PER2: variants seen among roughly 807,000 people sequenced by gnomAD.
The protein encoded by PER2 is period circadian protein homolog 2.
Under a neutral mutation model 121.0 loss-of-function variants are expected in PER2, and 66 were observed. The observed-to-expected ratio is 0.55, with a 90% CI of 0.45 to 0.67. The LOEUF is 0.67. Among genes scored for constraint, PER2 ranks in the 30% least tolerant of loss-of-function variants. The pLI, the probability that PER2 is intolerant of heterozygous loss-of-function variation, is 0.00. For synonymous variants in PER2, 684 were observed against 659.9 expected, an observed-to-expected ratio of 1.04 and a Z score of -0.56; for missense variants, 1,521 against 1,635.0, an observed-to-expected ratio of 0.93 and a Z score of 1.20.
chr2:238,253,254 G>C lies in PER2; in HGVS notation c.2769C>G (p.Ala923=), dbSNP rs554453059. The C allele has an allele frequency of 6.2e-6, 10 of 1,607,070 alleles. No individual in the cohort carries two copies. The highest frequency in any genetic ancestry group is 4.5e-5 in the East Asian group (2 of 44,758). The stretch of plus-strand genomic sequence containing the variant: ...GAAACTGAGGCTGGCTGGGGAAGAA[G>C]GCCTGGGGCAGGTTTGGGGTCCCCG... ...FPSGTPNLPQ[A]FFPSQPQFPS... The change falls in exon 19 of 23, where the codon GCC becomes GCG. Residue 923 remains alanine (A), a synonymous_variant. Coordinates refer to ENST00000254657, the MANE Select transcript of PER2 (RefSeq NM_022817.3). This position sits in a 1 kb window ranked among gnomAD's most constrained non-coding sequence, Gnocchi z 5.6.
At chr2:238,294,255 C>G (rs1215582581), upstream of PER2, among the ~76,000 whole-genome samples, 1 of 152,222 alleles carries the variant, frequency 6.6e-6, no homozygotes, top group Non-Finnish European at 1.5e-5. Flanking sequence ...GTGCGTCCTG[C>G]AAGGCTGTTG....
In PER2 at chr2:238,268,432, C is replaced by T. The variant is rs11894535; in HGVS notation, c.825-234G>A. Among the ~76,000 whole-genome samples the T allele has an allele frequency of 0.34, 52,365 of 152,036 alleles. 11,664 individuals carry two copies. Among genetic ancestry groups the T allele is most frequent in the African/African-American group, 0.63 (26,275 of 41,448 alleles). ...TGGGGCAGCCTGGAGCAGCCTGCAC[C>T]CTGGGTTGGTAAAGCAGACAGAAAA... On this transcript the variant is annotated intron_variant, in intron 7 of 22. Coordinates refer to ENST00000254657, the MANE Select transcript of PER2 (RefSeq NM_022817.3). This position sits in a 1 kb window ranked among gnomAD's most constrained non-coding sequence, Gnocchi z 4.0.
chr2:238,266,940 T>G (rs1696131268), intron 8 of PER2, among the ~76,000 whole-genome samples: 1 of 151,456 alleles, frequency 6.6e-6, no homozygotes, highest in South Asian at 2.1e-4. Context: ...TCCCAGGTAC[T>G]TGGGAGGCTG....
chr2:238,253,808 C>G lies in PER2; in HGVS notation c.2321-106G>C, dbSNP rs1695683926. The stretch of plus-strand genomic sequence containing the variant: ...TTCCAAATGCTGGCCCAGGGCCTGC[C>G]TGGTCCACCGAGCGGTTTTCCCTGA... On this transcript the variant is annotated intron_variant, in intron 18 of 22. Transcript: ENST00000254657. This position sits in a 1 kb window ranked among gnomAD's most constrained non-coding sequence, Gnocchi z 5.6. The G allele has an allele frequency of 8.0e-6, 7 of 874,082 alleles. No individual in the cohort carries two copies. The Admixed American group carries it at 1.4e-4, about 18-fold the overall frequency. The allele number at this position is 874,082 out of a possible 1,614,324, so 54.1% of individuals were successfully genotyped here. A position where few individuals can be genotyped will look rare whatever the true frequency, so the allele number is the denominator to read the frequency against.
rs1272686266 is a variant in PER2, at chr2:238,253,261, G to A, written c.2762C>T (p.Pro921Leu). ...AGGCTGGCTGGGGAAGAAGGCCTGG[G>A]GCAGGTTTGGGGTCCCCGAGGGGAA... ...YSFPSGTPNL[P>L]QAFFPSQPQF... The change falls in exon 19 of 23, where the codon CCC (proline) becomes CTC (leucine). Residue 921 changes from proline (P) to leucine (L), a missense_variant. Physicochemically the swap from Pro to Leu is moderately conservative, Grantham distance 98 (BLOSUM62 -3). Coordinates refer to ENST00000254657, the MANE Select transcript of PER2 (RefSeq NM_022817.3). This position sits in a 1 kb window ranked among gnomAD's most constrained non-coding sequence, Gnocchi z 5.6. 1.2e-6 allele frequency: 2 copies of A among 1,608,918 alleles called. No individual in the cohort carries two copies. Among genetic ancestry groups the A allele is most frequent in the Admixed American group, 3.3e-5 (2 of 59,796 alleles).
At chr2:238,266,232 C>T (rs1411062952) in intron 8 of PER2, among the ~76,000 whole-genome samples, 1 of 151,994 alleles carries the variant, frequency 6.6e-6, no homozygotes, top group Non-Finnish European at 1.5e-5. Context: ...GATGAAACTA[C>T]AGTGATCTGA....
intron 14 of PER2, among the ~76,000 whole-genome samples, chr2:238,259,721 C>T (rs1695868840): frequency 6.6e-6 from 1 of 152,346 alleles, no homozygotes; most frequent in South Asian, 2.1e-4. Context: ...CACACCTAGC[C>T]ACACCCCGCC....
rs560393503 is a variant in PER2, at chr2:238,259,161, C to A, written c.1628-517G>T. Among the ~76,000 whole-genome samples, 3 of 152,312 alleles carry A rather than the reference C, an allele frequency of 2.0e-5. No individual in the cohort carries two copies. In the South Asian group the frequency reaches 6.2e-4, roughly 32 times the overall value. On this transcript the variant is annotated intron_variant, in intron 14 of 22. Coordinates refer to ENST00000254657, the MANE Select transcript of PER2 (RefSeq NM_022817.3). ...GCTGTGTCCAGCTCATTAGCGTGTC[C>A]CCAACACCCAGCACAGAGTCCAGCA...
chr2:238,250,078 T>C (rs1695557570), intron 21 of PER2, among the ~76,000 whole-genome samples: 1 of 152,240 alleles, frequency 6.6e-6, no homozygotes, highest in African/African-American at 2.4e-5. Flanking sequence ...TGCAGTTCCC[T>C]ATGGCAGCCT....
At position 238,255,683 on chromosome 2, in the gene PER2, C is replaced by T. The variant is rs745539193; in HGVS notation, c.2294G>A (p.Arg765Lys). ...TCGTTCACTTGGCTGCCCCTTGGAT[C>T]TTTCTTGCAAGTAGTAATGGCAGTG... ...QSHCHYYLQERSKGQPSERTA... is the reference protein window; with the variant it reads ...QSHCHYYLQEKSKGQPSERTA... The change falls in exon 18 of 23, where the codon AGA (arginine) becomes AAA (lysine). Residue 765 changes from arginine (R) to lysine (K), a missense_variant. Coordinates refer to ENST00000254657, the MANE Select transcript of PER2 (RefSeq NM_022817.3). The T allele has an allele frequency of 7.4e-6, 12 of 1,614,158 alleles. No homozygotes were observed. The Admixed American group carries it at 1.8e-4, about 25-fold the overall frequency.
intron 16 of PER2, among the ~76,000 whole-genome samples, chr2:238,257,722 C>T (rs1339397774): frequency 6.6e-6 from 1 of 152,240 alleles, no homozygotes; most frequent in East Asian, 1.9e-4. Flanking sequence ...GATCCACCCA[C>T]CTCGGCCTCC....
rs1297982557 is a variant in PER2, at chr2:238,268,760, A to T, written c.824+163T>A. On this transcript the variant is annotated intron_variant, in intron 7 of 22. Coordinates refer to ENST00000254657, the MANE Select transcript of PER2 (RefSeq NM_022817.3). This position sits in a 1 kb window ranked among gnomAD's most constrained non-coding sequence, Gnocchi z 4.0. ...GCTGGCCGCATTCTTAGCGACCTGT[A>T]CACATTTAAAATGTAACTGACTGTG... 6.6e-6 allele frequency among the ~76,000 whole-genome samples: 1 copy of T among 152,236 alleles called. No individual in the cohort carries two copies. Among genetic ancestry groups the T allele is most frequent in the Non-Finnish European group, 1.5e-5 (1 of 68,030 alleles).
chr2:238,272,331 A>G (rs2106318683), intron 5 of PER2, among the ~76,000 whole-genome samples: 1 of 152,302 alleles, frequency 6.6e-6, no homozygotes, highest in East Asian at 1.9e-4. Flanking sequence ...GGCCTGCCCT[A>G]ACAACCTCCA....
chr2:238,262,537 T>C (rs1695967307), intron 10 of PER2, among the ~76,000 whole-genome samples, 193 bp from the exon 11 acceptor site: 1 of 152,220 alleles, frequency 6.6e-6, no homozygotes, highest in Non-Finnish European at 1.5e-5. Flanking sequence ...CAGCAGGAGC[T>C]GTTTCATCCC....
intron 14 of PER2, among the ~76,000 whole-genome samples, chr2:238,258,851 A>G (rs566275706): frequency 2.3e-3 from 349 of 150,238 alleles, no homozygotes; most frequent in African/African-American, 8.0e-3. Context: ...CTGGGGGGGG[A>G]GCTGCTGCCC....
intron 1 of PER2, among the ~76,000 whole-genome samples, chr2:238,287,218 C>G (rs1255444774): frequency 2.6e-5 from 4 of 152,228 alleles, no homozygotes. Flanking sequence ...CAGATAACTG[C>G]AAACACCCAC....
chr2:238,275,605 C>T (rs1183748367), intron 4 of PER2, 138 bp downstream of exon 4: 4 of 939,448 alleles, frequency 4.3e-6, no homozygotes, highest in Non-Finnish European at 5.2e-6. Context: ...AGCGGAATCG[C>T]TTAAGCCCAG....
rs1696335615 is a variant in PER2 at position 238,272,979 on chromosome 2, C to T, written c.570+91G>A. The stretch of plus-strand genomic sequence containing the variant: ...TCTGCTGAAACCCCAAACACTCCTG[C>T]CTTACAGCCACCGGCCGCAGTGCTG... On this transcript the variant is annotated intron_variant, in intron 5 of 22. Transcript: ENST00000254657. 6 of 1,200,310 alleles carry T rather than the reference C, an allele frequency of 5.0e-6. No homozygotes were observed. In the East Asian group the frequency reaches 7.0e-5, roughly 14 times the overall value. 74.4% of individuals were successfully genotyped at this position (1,200,310 alleles called of 1,614,324 possible).
chr2:238,292,619 T>C (rs2106339762), upstream of PER2, among the ~76,000 whole-genome samples: 1 of 152,356 alleles, frequency 6.6e-6, no homozygotes, highest in South Asian at 2.1e-4. Context: ...GTTTGTTTTT[T>C]TATAAATGTC....
Sources: allele counts gnomAD v4.1 joint callset (sites outside exome capture counted in the v4.1 genomes callset), GRCh38; gene constraint gnomAD v4.1.1; non-coding constraint Gnocchi (gnomAD v3.1); transcripts MANE v1.5; gene names NCBI Gene and HGNC (gene_info 2026-07-23, HGNC 2026-07-21).